The following CCDC178 variants were observed in gnomAD, a reference collection of about 807,000 sequenced individuals.
CCDC178 encodes coiled-coil domain containing 178.
In CCDC178, 126 loss-of-function variants were observed where a neutral mutation model predicts 117.4. The ratio of observed to expected loss-of-function variants is 1.07; its 90% CI spans 0.93 to 1.24. CCDC178 has a LOEUF of 1.24. Ranked by LOEUF, CCDC178 falls within the 50% of genes most tolerant of loss-of-function variation. The pLI, the probability that CCDC178 is intolerant of heterozygous loss-of-function variation, is 0.00. For synonymous variants in CCDC178, 283 were observed against 313.4 expected (o/e 0.90, Z 1.02); for missense variants, 1,030 against 986.9 (o/e 1.04, Z -0.59).
At chr18:33,119,077 T>TA (rs1372285326) in intron 20 of CCDC178, among the ~76,000 whole-genome samples, 2 of 152,100 alleles carry the variant, frequency 1.3e-5, no homozygotes, top group Non-Finnish European at 2.9e-5. Context: ...CCTAAAACCA[T>TA]AAAAACCCTA....
At chr18:33,064,827 C>A (rs563663069) in intron 21 of CCDC178, among the ~76,000 whole-genome samples, 1 of 151,338 alleles carries the variant, frequency 6.6e-6, no homozygotes, top group Admixed American at 6.6e-5. Flanking sequence ...TGTCCAACAA[C>A]GAACAATAAA....
At chr18:33,245,534 A>G in intron 14 of CCDC178, 106 bp from the exon 15 acceptor site, 1 of 1,162,040 alleles carries the variant, frequency 8.6e-7, no homozygotes, top group Non-Finnish European at 1.1e-6. Context: ...TCAAAAATAC[A>G]AAATTGCTGG....
At chr18:33,432,304 T>C (rs1216165813) in intron 2 of CCDC178, among the ~76,000 whole-genome samples, 1 of 100,040 alleles carries the variant, frequency 1.0e-5, no homozygotes, top group Non-Finnish European at 2.0e-5. Flanking sequence ...GTGGTGTTCT[T>C]TACATACTCC....
chr18:33,242,041 T>C (rs1415307981), intron 15 of CCDC178, among the ~76,000 whole-genome samples: 1 of 151,710 alleles, frequency 6.6e-6, no homozygotes, highest in African/African-American at 2.4e-5. Context: ...TGTTCAAAGA[T>C]AGCATGGTAC....
chr18:32,942,166 T>C (rs2054253093), intron 22 of CCDC178, among the ~76,000 whole-genome samples: 1 of 152,118 alleles, frequency 6.6e-6, no homozygotes, highest in Admixed American at 6.6e-5. Context: ...TTTGCCCCAG[T>C]GTTTTGGAAG....
intron 15 of CCDC178, among the ~76,000 whole-genome samples, chr18:33,239,872 T>C (rs150330959): frequency 6.6e-6 from 1 of 151,948 alleles, no homozygotes; most frequent in African/African-American, 2.4e-5. Context: ...AACAGATATT[T>C]AGAGAATGTT....
At chr18:33,091,551 G>C (rs2057466771) in intron 21 of CCDC178, among the ~76,000 whole-genome samples, 1 of 151,496 alleles carries the variant, frequency 6.6e-6, no homozygotes, top group African/African-American at 2.4e-5. Flanking sequence ...TGGCCAGGCT[G>C]GTCTCAAACT....
intron 20 of CCDC178, among the ~76,000 whole-genome samples, chr18:33,137,992 G>C (rs1385776500): frequency 2.0e-5 from 3 of 152,268 alleles, no homozygotes; most frequent in African/African-American, 7.2e-5. Flanking sequence ...TTTTATGCAA[G>C]TCGCTTAATC....
chr18:33,078,404 T>C (rs1007051231), intron 21 of CCDC178, among the ~76,000 whole-genome samples: 4 of 152,126 alleles, frequency 2.6e-5, no homozygotes, highest in Non-Finnish European at 5.9e-5. Context: ...CCACTTCTGT[T>C]CAACATAGAA....
intron 2 of CCDC178, among the ~76,000 whole-genome samples, chr18:33,420,308 G>C (rs1409938722): frequency 6.6e-6 from 1 of 151,988 alleles, no homozygotes; most frequent in African/African-American, 2.4e-5. Context: ...GGAAGGTGAG[G>C]ATCAAAAAAT....
In CCDC178 at chr18:33,388,519, A is replaced by ATTT. The variant is rs71159828; in HGVS notation, c.208+1018_208+1020dup. Among the ~76,000 whole-genome samples the ATTT allele has an allele frequency of 4.4e-4, 29 of 65,268 alleles. 2 individuals carry two copies. The highest frequency in any genetic ancestry group is 1.8e-3 in the African/African-American group (28 of 15,862). The allele number at this position is 65,268 out of a possible 152,430, so 42.8% of individuals were successfully genotyped here. A position where few individuals can be genotyped will look rare whatever the true frequency, so the allele number is the denominator to read the frequency against. ...AAATGTGGTACATATACACCACGGA[A>ATTT]TTTTTTTTTTTTTTTTTTGAGACGG... On this transcript the variant is annotated intron_variant, in intron 5 of 22. Coordinates refer to ENST00000383096, the MANE Select transcript of CCDC178 (RefSeq NM_001105528.4).
chr18:33,092,729 C>T, intron 21 of CCDC178, 32 bp downstream of exon 21: 1 of 1,479,234 alleles, frequency 6.8e-7, no homozygotes, highest in African/African-American at 1.4e-5. Flanking sequence ...TGACATAAAT[C>T]ATCACCTTAA....
chr18:33,236,070 A>T (rs1302614699), intron 15 of CCDC178, among the ~76,000 whole-genome samples: 1 of 152,212 alleles, frequency 6.6e-6, no homozygotes. Context: ...CATTTTACAG[A>T]TGCATTAACT....
At chr18:33,264,950 C>G (rs1369744851) in intron 14 of CCDC178, among the ~76,000 whole-genome samples, 1 of 152,084 alleles carries the variant, frequency 6.6e-6, no homozygotes, top group African/African-American at 2.4e-5. Flanking sequence ...TGCTGTCACA[C>G]ACTCTCCCTT....
intron 21 of CCDC178, among the ~76,000 whole-genome samples, chr18:33,059,812 A>T (rs903846811): frequency 6.6e-6 from 1 of 152,084 alleles, no homozygotes; most frequent in South Asian, 2.1e-4. Context: ...TAAAACATAA[A>T]CTTGGTCATG....
intron 7 of CCDC178, among the ~76,000 whole-genome samples, chr18:33,355,650 A>AT (rs2063043982): frequency 6.6e-6 from 1 of 151,890 alleles, no homozygotes; most frequent in South Asian, 2.1e-4. Flanking sequence ...TTTCCAACCT[A>AT]TTTTTTCACA....
intron 5 of CCDC178, among the ~76,000 whole-genome samples, chr18:33,382,664 G>A (rs556689691): frequency 2.6e-4 from 39 of 152,256 alleles, no homozygotes; most frequent in Non-Finnish European, 2.8e-4. Context: ...CTTTTCCTAC[G>A]GATTTTTGCA....
At chr18:33,000,691 G>A (rs1361560318) in intron 21 of CCDC178, among the ~76,000 whole-genome samples, 2 of 152,176 alleles carry the variant, frequency 1.3e-5, no homozygotes, top group Non-Finnish European at 2.9e-5. Flanking sequence ...CTGAAGGAAA[G>A]AAGCTTTTAT....
At chr18:33,177,411 G>A (rs1226043510) in intron 20 of CCDC178, among the ~76,000 whole-genome samples, 2 of 152,104 alleles carry the variant, frequency 1.3e-5, no homozygotes, top group African/African-American at 2.4e-5. Context: ...CATCTTATCT[G>A]CCACCTTTCT....
Sources: gnomAD v4.1 joint callset for allele counts (sites outside exome capture counted in the v4.1 genomes callset) on GRCh38, gnomAD v4.1.1 for gene constraint, MANE v1.5 for transcripts, NCBI Gene and HGNC (gene_info 2026-07-23, HGNC 2026-07-21) for gene names.